Variants in MYO18A observed in about 807,000 individuals in gnomAD.
The protein encoded by MYO18A is unconventional myosin-XVIIIa.
A neutral mutation model predicts 235.8 loss-of-function variants in MYO18A; 78 were observed. The ratio of observed to expected loss-of-function variants is 0.33; its 90% CI spans 0.28 to 0.40. The LOEUF is 0.40. Among genes scored for constraint, MYO18A ranks in the 10% least tolerant of loss-of-function variants. The pLI, the probability that MYO18A is intolerant of heterozygous loss-of-function variation, is 1.00. For missense variants in MYO18A, 2,215 were observed against 2,699.3 expected, an observed-to-expected ratio of 0.82 and a Z score of 3.98; for synonymous variants, 977 against 1,077.8, an observed-to-expected ratio of 0.91 and a Z score of 1.83.
chr17:29,118,199 T>C lies in MYO18A; in HGVS notation c.1894-10A>G, dbSNP rs748720828. Reference sequence around the variant, plus strand: ...TCTGCTTTTCCTCAGGCTGTGGAGATAGATGACCTCAAAGGGCTGTCCCTC... The same window carrying C: ...TCTGCTTTTCCTCAGGCTGTGGAGACAGATGACCTCAAAGGGCTGTCCCTC... On this transcript the variant is annotated splice_polypyrimidine_tract_variant and intron_variant, in intron 9 of 41. Coordinates refer to ENST00000527372, the MANE Select transcript of MYO18A (RefSeq NM_078471.4). The surrounding 1 kb of genome is among the most constrained non-coding windows in gnomAD (Gnocchi z 4.2). The C allele has an allele frequency of 1.9e-6, 3 of 1,596,890 alleles. No homozygotes were observed. The highest frequency in any genetic ancestry group is 2.6e-6 in the Non-Finnish European group (3 of 1,170,732).
chr17:29,103,447 G>T (rs1455595716), intron 21 of MYO18A, among the ~76,000 whole-genome samples, 152 bp downstream of exon 21: 1 of 152,250 alleles, frequency 6.6e-6, no homozygotes, highest in South Asian at 2.1e-4. Flanking sequence ...CAGCCCCTGA[G>T]TGGCTGGGCG....
chr17:29,128,164 C>T (rs2152884373), intron 2 of MYO18A: 1 of 1,116,950 alleles, frequency 9.0e-7, no homozygotes, highest in South Asian at 1.9e-5. Flanking sequence ...CTGCCTCCTT[C>T]TTCACTTCAG....
chr17:29,135,118 CAG>C (rs2067566091), intron 2 of MYO18A, among the ~76,000 whole-genome samples: 1 of 150,840 alleles, frequency 6.6e-6, no homozygotes. Flanking sequence ...TTAATTGAGA[CAG>C]AGTCTCATCT....
At chr17:29,075,113 T>C in intron 41 of MYO18A, 199 bp from the exon 42 acceptor site, 2 of 588,632 alleles carry the variant, frequency 3.4e-6, no homozygotes. Context: ...CTTTTAAAGC[T>C]CCGAGGAAAG....
chr17:29,128,660 T>C (rs982786132), intron 2 of MYO18A: 1 of 809,778 alleles, frequency 1.2e-6, no homozygotes, highest in East Asian at 7.0e-5. Context: ...CCCATTCATC[T>C]ACCAAGCAAC....
Position 29,158,364 on chromosome 17 carries a change from C to A in MYO18A, c.999+7578G>T, listed in dbSNP as rs2068103070. Among the ~76,000 whole-genome samples the A allele has an allele frequency of 6.6e-6, 1 of 152,132 alleles. No individual in the cohort carries two copies. The highest frequency in any genetic ancestry group is 6.6e-5 in the Admixed American group (1 of 15,264). ...AGTTTCCCAACCAAACTAGAGCCCA[C>A]AACTGAAAAAATAAGCTTTGCTAAC... is the stretch of plus-strand genomic sequence containing the variant. On this transcript the variant is annotated intron_variant, in intron 2 of 41. Coordinates refer to ENST00000527372, the MANE Select transcript of MYO18A (RefSeq NM_078471.4). The surrounding 1 kb of genome is among the most constrained non-coding windows in gnomAD (Gnocchi z 4.3).
rs1327838421 is a variant in MYO18A, at chr17:29,073,313, C to T, written c.*1457G>A. ...AGGTGGGGCTTGTGTCTTCCTTGGC[C>T]AATCCCCTCATTCCACTACCTCTGC... On this transcript the variant is annotated 3_prime_UTR_variant, in exon 42 of 42. Coordinates refer to ENST00000527372, the MANE Select transcript of MYO18A (RefSeq NM_078471.4). The T allele has an allele frequency of 4.6e-5, 7 of 152,724 alleles. No individual in the cohort carries two copies. The highest frequency in any genetic ancestry group is 4.6e-4 in the Admixed American group (7 of 15,314). The allele number at this position is 152,724 out of a possible 1,614,324, so 9.5% of individuals were successfully genotyped here.
At chr17:29,164,136 C>T (rs1027011110) in intron 2 of MYO18A, among the ~76,000 whole-genome samples, 4 of 152,136 alleles carry the variant, frequency 2.6e-5, no homozygotes, top group Admixed American at 2.6e-4. Context: ...GTGATCCACC[C>T]GCCTCAGCCT....
intron 41 of MYO18A, chr17:29,075,804 C>T (rs571873110): frequency 6.5e-6 from 1 of 152,888 alleles, no homozygotes; most frequent in South Asian, 2.1e-4. Context: ...TTCAAGTGCA[C>T]TCTCGTTTCA....
At chr17:29,128,577 A>C (rs1437052969) in intron 2 of MYO18A, 1 of 1,203,156 alleles carries the variant, frequency 8.3e-7, no homozygotes, top group African/African-American at 1.6e-5. Flanking sequence ...AGACATTAGC[A>C]TCACCCCTGC....
At chr17:29,110,737 G>T in intron 17 of MYO18A, 115 bp from the exon 18 acceptor site, 2 of 1,079,178 alleles carry the variant, frequency 1.9e-6, no homozygotes, top group Non-Finnish European at 2.6e-6. Flanking sequence ...CACGTCCAGG[G>T]GCCTGGCTAC....
intron 2 of MYO18A, among the ~76,000 whole-genome samples, chr17:29,161,850 T>G (rs1056587050): frequency 6.6e-6 from 1 of 152,234 alleles, no homozygotes; most frequent in Non-Finnish European, 1.5e-5. Flanking sequence ...ACTGGGGTTT[T>G]GAGATCCTCA....
chr17:29,086,680 T>C (rs1316830936), intron 38 of MYO18A, 103 bp from the exon 39 acceptor site: 1 of 1,445,722 alleles, frequency 6.9e-7, no homozygotes, highest in Non-Finnish European at 9.3e-7. Flanking sequence ...GGGTGCTACC[T>C]GAGGGCTGAC....
intron 2 of MYO18A, among the ~76,000 whole-genome samples, chr17:29,157,655 GA>G (rs1222131132): frequency 6.6e-6 from 1 of 152,190 alleles, no homozygotes; most frequent in Non-Finnish European, 1.5e-5. Flanking sequence ...GGGTTGTTGA[GA>G]AAATTAAATA....
rs61735008 is a variant in MYO18A, at chr17:29,111,450, G to T, written c.2874C>A (p.Ala958=). Residue 958 remains alanine, a synonymous_variant, in exon 17 of 42, where the codon GCC becomes GCA. Transcript: ENST00000527372. The surrounding 1 kb of genome is among the most constrained non-coding windows in gnomAD (Gnocchi z 5.1). ...YTKQNPATQN[A]PRLLQDSQKK... ...TCTGGGAGTCCTGCAGGAGCCGGGG[G>T]GCATTCTGGGTGGCTGGGTTCTGCT... 6.1e-4 allele frequency: 979 copies of T among 1,612,492 alleles called. 6 individuals carry two copies. In the African/African-American group the frequency reaches 0.012, roughly 19 times the overall value.
intron 1 of MYO18A, among the ~76,000 whole-genome samples, chr17:29,169,369 A>G (rs891969090): frequency 6.6e-6 from 1 of 152,118 alleles, no homozygotes; most frequent in Non-Finnish European, 1.5e-5. Flanking sequence ...TTGGTTCTAA[A>G]TGCTACATGC....
intron 37 of MYO18A, 33 bp from the exon 38 acceptor site, chr17:29,087,154 A>G: frequency 6.3e-7 from 1 of 1,591,592 alleles, no homozygotes. Flanking sequence ...AAGACACAGC[A>G]GGCAGGCCCA....
rs537490245 is a variant in MYO18A, at chr17:29,125,823, C to T, written c.1000-3570G>A. ...TGGTCAGCGCGCCTACAGACACACA[C>T]AGGGTCCTGCCGCCAGCCTCAGGAA... On this transcript the variant is annotated intron_variant, in intron 2 of 41. Coordinates refer to ENST00000527372, the MANE Select transcript of MYO18A (RefSeq NM_078471.4). This position sits in a 1 kb window ranked among gnomAD's most constrained non-coding sequence, Gnocchi z 5.1. 2.4e-6 allele frequency: 2 copies of T among 848,680 alleles called. No individual in the cohort carries two copies. Among genetic ancestry groups the T allele is most frequent in the African/African-American group, 3.6e-5 (2 of 54,938 alleles). The allele number at this position is 848,680 out of a possible 1,614,324, so 52.6% of individuals were successfully genotyped here. A position where few individuals can be genotyped will look rare whatever the true frequency, so the allele number is the denominator to read the frequency against.
chr17:29,160,322 C>T (rs2068146107), intron 2 of MYO18A, among the ~76,000 whole-genome samples: 2 of 152,218 alleles, frequency 1.3e-5, no homozygotes, highest in East Asian at 1.9e-4. Context: ...ACCTTCTCAA[C>T]CTCTGGGAGG....
Sources: allele counts gnomAD v4.1 joint callset (sites outside exome capture counted in the v4.1 genomes callset), GRCh38; gene constraint gnomAD v4.1.1; non-coding constraint Gnocchi (gnomAD v3.1); transcripts MANE v1.5; gene names NCBI Gene and HGNC (gene_info 2026-07-23, HGNC 2026-07-21).